Variants in ACSL1 observed in about 807,000 individuals in gnomAD.
ACSL1 encodes the protein long-chain-fatty-acid--CoA ligase 1.
A neutral mutation model predicts 98.4 loss-of-function variants in ACSL1; 41 were observed. That is an observed-to-expected ratio of 0.42 (90% confidence interval 0.32 to 0.54). The LOEUF is 0.54. ACSL1 is among the 20% of genes least tolerant of loss of function. The pLI is 0.13. For missense variants in ACSL1, 734 were observed against 883.1 expected (o/e 0.83, Z 2.14); for synonymous variants, 316 against 322.7 (o/e 0.98, Z 0.22).
chr4:184,811,274 A>G (rs112912115), intron 1 of ACSL1, among the ~76,000 whole-genome samples: 1 of 150,128 alleles, frequency 6.7e-6, no homozygotes, highest in African/African-American at 2.5e-5. Context: ...ACGCCTGGCT[A>G]ATTTTTTTTT....
intron 1 of ACSL1, among the ~76,000 whole-genome samples, chr4:184,810,230 A>G (rs938925678): frequency 6.6e-6 from 1 of 152,204 alleles, no homozygotes; most frequent in Non-Finnish European, 1.5e-5. Context: ...TGCTGTAGAA[A>G]AAGTCTAATT....
rs1228932623 is a variant in ACSL1, at chr4:184,764,935, C to A, written c.1360-10G>T. 1 of 1,612,750 alleles carries A rather than the reference C, an allele frequency of 6.2e-7. No individual in the cohort carries two copies. Among genetic ancestry groups the A allele is most frequent in the Non-Finnish European group, 8.5e-7 (1 of 1,179,524 alleles). ...CGTATCCTTCATAAAACTGGGGCACCAAGAGATGCAACATTATTAAGGAGA... is the reference window on the plus strand; with the variant it reads ...CGTATCCTTCATAAAACTGGGGCACAAAGAGATGCAACATTATTAAGGAGA... On this transcript the variant is annotated splice_polypyrimidine_tract_variant and intron_variant, in intron 14 of 20. Coordinates refer to ENST00000281455, the MANE Select transcript of ACSL1 (RefSeq NM_001995.5).
intron 15 of ACSL1, among the ~76,000 whole-genome samples, chr4:184,763,579 C>T (rs377742052): frequency 3.3e-5 from 5 of 152,180 alleles, no homozygotes; most frequent in African/African-American, 7.2e-5. Flanking sequence ...ACCCTCCGAT[C>T]GCCCCCACCC....
intron 16 of ACSL1, 104 bp from the exon 17 acceptor site, chr4:184,762,627 G>T (rs1197412480): frequency 9.8e-7 from 1 of 1,024,194 alleles, no homozygotes; most frequent in Admixed American, 1.9e-5. Context: ...ACCTTTAGCT[G>T]GAAGCCCTAA....
At position 184,785,600 on chromosome 4, in the gene ACSL1, C is replaced by T. The variant is rs865784302; in HGVS notation, c.311-1609G>A. On this transcript the variant is annotated intron_variant, in intron 3 of 20. Transcript: ENST00000281455. ...CTTAGAATAAAAAGATCCTCCTGGG[C>T]GGGGGCGGGGGGGGGGGGGGGAAGG... is the stretch of plus-strand genomic sequence containing the variant. Among the ~76,000 whole-genome samples the T allele has an allele frequency of 1.3e-3, 24 of 19,190 alleles. 1 individual carries two copies. Among genetic ancestry groups the T allele is most frequent in the East Asian group, 8.3e-3 (1 of 120 alleles). 12.6% of individuals were successfully genotyped at this position (19,190 alleles called of 152,430 possible).
At chr4:184,816,339 G>C (rs1269045252) in intron 1 of ACSL1, among the ~76,000 whole-genome samples, 20 of 152,110 alleles carry the variant, frequency 1.3e-4, no homozygotes, top group Non-Finnish European at 4.4e-5. Flanking sequence ...GGAGAAGAGA[G>C]GTACTGGTGA....
chr4:184,783,249 T>A (rs1387896280), intron 4 of ACSL1, among the ~76,000 whole-genome samples: 1 of 152,204 alleles, frequency 6.6e-6, no homozygotes, highest in Non-Finnish European at 1.5e-5. Context: ...TTTCAACAGC[T>A]GTAGCCGTTG....
intron 2 of ACSL1, among the ~76,000 whole-genome samples, chr4:184,789,420 T>G (rs1196765951): frequency 1.3e-5 from 2 of 152,246 alleles, no homozygotes. Context: ...TCTAAAATGT[T>G]ACCTATATTC....
chr4:184,819,266 C>T (rs1441588492), intron 1 of ACSL1, among the ~76,000 whole-genome samples: 1 of 151,820 alleles, frequency 6.6e-6, no homozygotes, highest in Non-Finnish European at 1.5e-5. Flanking sequence ...CCTCAGCCTC[C>T]TGAGTAGCTG....
rs3762647 is a variant in ACSL1, at chr4:184,768,221, G to T, written c.1128+95C>A. 4.2e-4 allele frequency: 555 copies of T among 1,328,080 alleles called. 5 individuals carry two copies. The East Asian group carries it at 0.011, about 26-fold the overall frequency. 82.3% of individuals were successfully genotyped at this position (1,328,080 alleles called of 1,614,324 possible). ...TGTAAGATTGGGAGGATTGTCCAGG[G>T]TCATACAGATGGCACATGGCACAGC... On this transcript the variant is annotated intron_variant, in intron 12 of 20. Coordinates refer to ENST00000281455, the MANE Select transcript of ACSL1 (RefSeq NM_001995.5).
chr4:184,792,199 T>G (rs1196690113), intron 2 of ACSL1, among the ~76,000 whole-genome samples: 4 of 152,142 alleles, frequency 2.6e-5, no homozygotes, highest in Admixed American at 6.5e-5. Context: ...TTACCCTAAT[T>G]AGCAATTAGA....
intron 3 of ACSL1, among the ~76,000 whole-genome samples, chr4:184,784,419 A>G (rs1766868872): frequency 6.6e-6 from 1 of 152,258 alleles, no homozygotes; most frequent in Non-Finnish European, 1.5e-5. Flanking sequence ...GAATACGGAA[A>G]GGAAAATATA....
intron 16 of ACSL1, 103 bp downstream of exon 16, chr4:184,763,064 T>C: frequency 8.3e-7 from 1 of 1,201,480 alleles, no homozygotes; most frequent in South Asian, 1.4e-5. Flanking sequence ...TGAAGTCAAG[T>C]TCAATGGCTT....
chr4:184,783,404 T>G (rs1477142775), intron 4 of ACSL1, among the ~76,000 whole-genome samples: 2 of 152,104 alleles, frequency 1.3e-5, no homozygotes, highest in Admixed American at 1.3e-4. Flanking sequence ...AGGTGGTGAG[T>G]TGGCCAAGGA....
At position 184,757,846 on chromosome 4, in the gene ACSL1, C is replaced by A. The variant is rs1457788696; in HGVS notation, c.1857G>T (p.Gly619=). 5 of 1,614,146 alleles carry A rather than the reference C, an allele frequency of 3.1e-6. No individual in the cohort carries two copies. The highest frequency in any genetic ancestry group is 4.2e-6 in the Non-Finnish European group (5 of 1,180,024). Residue 619 remains glycine, a synonymous_variant, in exon 19 of 21, where the codon GGG becomes GGT. Coordinates refer to ENST00000281455, the MANE Select transcript of ACSL1 (RefSeq NM_001995.5). This position sits in a 1 kb window ranked among gnomAD's most constrained non-coding sequence, Gnocchi z 4.5. ...CSWAQKRGFE[G]SFEELCRNKD... ...TATTTCTGCACAGTTCCTCAAACGACCCTTCAAATCCTCTCTTTTGGGCCC... is the reference window on the plus strand; with the variant it reads ...TATTTCTGCACAGTTCCTCAAACGAACCTTCAAATCCTCTCTTTTGGGCCC...
rs532640308 is a variant in ACSL1, at chr4:184,818,364, C to T, written c.-33+7552G>A. On this transcript the variant is annotated intron_variant, in intron 1 of 20. Coordinates refer to ENST00000281455, the MANE Select transcript of ACSL1 (RefSeq NM_001995.5). ...GCAAAGACCACAGCCACCTGCTTCT[C>T]CAACACAAGTGAAACTACACGGAAA... is the stretch of plus-strand genomic sequence containing the variant. Among the ~76,000 whole-genome samples, 15 of 152,280 alleles carry T rather than the reference C, an allele frequency of 9.9e-5. 1 individual carries two copies. In the South Asian group the frequency reaches 3.1e-3, roughly 32 times the overall value.
chr4:184,773,209 G>A lies in ACSL1; in HGVS notation c.842-55C>T, dbSNP rs1764765883. 3 of 1,509,750 alleles carry A rather than the reference G, an allele frequency of 2.0e-6. No homozygotes were observed. The highest frequency in any genetic ancestry group is 1.1e-5 in the South Asian group (1 of 87,958). The allele number at this position is 1,509,750 out of a possible 1,614,324, so 93.5% of individuals were successfully genotyped here. A position where few individuals can be genotyped will look rare whatever the true frequency, so the allele number is the denominator to read the frequency against. On this transcript the variant is annotated intron_variant, in intron 9 of 20. Coordinates refer to ENST00000281455, the MANE Select transcript of ACSL1 (RefSeq NM_001995.5). This position sits in a 1 kb window ranked among gnomAD's most constrained non-coding sequence, Gnocchi z 4.3. Reference sequence around the variant, plus strand: ...TTAAAGAATGACAGAAATGAAGGAGGCCCAGAAACCTCACATAATTAGGGC... The same window carrying A: ...TTAAAGAATGACAGAAATGAAGGAGACCCAGAAACCTCACATAATTAGGGC...
intron 1 of ACSL1, among the ~76,000 whole-genome samples, chr4:184,805,998 G>A (rs940504553): frequency 3.3e-5 from 5 of 152,216 alleles, no homozygotes; most frequent in Non-Finnish European, 5.9e-5. Flanking sequence ...AGATTGCCCA[G>A]AGCATGCTGA....
intron 6 of ACSL1, 37 bp from the exon 7 acceptor site, chr4:184,776,699 G>A (rs1422394269): frequency 6.3e-7 from 1 of 1,589,716 alleles, no homozygotes; most frequent in Non-Finnish European, 8.5e-7. Flanking sequence ...ATAAGCTCTG[G>A]GATGTTAAAA....
Sources: gnomAD v4.1 joint callset for allele counts (sites outside exome capture counted in the v4.1 genomes callset) on GRCh38, gnomAD v4.1.1 for gene constraint, Gnocchi (gnomAD v3.1) non-coding constraint, MANE v1.5 for transcripts, NCBI Gene and HGNC (gene_info 2026-07-23, HGNC 2026-07-21) for gene names.